The following MED13 variants were observed in gnomAD, a reference collection of about 807,000 sequenced individuals.
The protein encoded by MED13 is mediator complex subunit 13.
MED13 carries 23 observed loss-of-function variants against 225.2 expected under a neutral mutation model. That is an observed-to-expected ratio of 0.10 (90% CI 0.07 to 0.14). The LOEUF is 0.14. Ranked by LOEUF, MED13 falls within the 10% of genes least tolerant of loss-of-function variation. The probability of loss-of-function intolerance (pLI) is 1.00; values close to 1 mark genes in which losing one functional copy is unlikely to be tolerated. For synonymous variants in MED13, 942 were observed against 889.2 expected (o/e 1.06, Z -1.06); for missense variants, 2,197 against 2,594.5 (o/e 0.85, Z 3.33).
intron 23 of MED13, among the ~76,000 whole-genome samples, chr17:61,959,694 A>G (rs1014787655): frequency 2.0e-5 from 3 of 151,838 alleles, no homozygotes; most frequent in Non-Finnish European, 2.9e-5. Context: ...CTTTTATATA[A>G]TAAGGAAGAA....
intron 9 of MED13, chr17:62,003,623 C>CAAAAAAAAAAAAAAAAAAAAAAAA (rs1335956503): frequency 3.5e-5 from 3 of 86,072 alleles, no homozygotes; most frequent in African/African-American, 1.1e-4. Flanking sequence ...AAAAAAAAAG[C>CAAAAAAAAAAAAAAAAAAAAAAAA]AAAAAGTGAA....
In MED13 at chr17:62,035,711, G is replaced by A. The variant is rs1036814141; in HGVS notation, c.471-103C>T. The stretch of plus-strand genomic sequence containing the variant: ...TATGCAAAAATGCATACCCTATTTT[G>A]CCCAAAAATTCTACTTCATCAGAAG... On this transcript the variant is annotated intron_variant, in intron 3 of 29. Coordinates refer to ENST00000397786, the MANE Select transcript of MED13 (RefSeq NM_005121.3). 1.0e-5 allele frequency: 12 copies of A among 1,172,706 alleles called. No individual in the cohort carries two copies. The African/African-American group carries it at 1.9e-4, about 18-fold the overall frequency. 72.6% of individuals were successfully genotyped at this position (1,172,706 alleles called of 1,614,324 possible).
At chr17:61,998,614 T>G (rs1416373540) in intron 9 of MED13, among the ~76,000 whole-genome samples, 1 of 149,858 alleles carries the variant, frequency 6.7e-6, no homozygotes, top group Non-Finnish European at 1.5e-5. Context: ...TTTTTTTTTT[T>G]TTTTTGAGAC....
At position 61,968,123 on chromosome 17, in the gene MED13, T is replaced by C; in HGVS notation, c.4103A>G (p.Asp1368Gly). Residue 1368 changes from aspartate (D) to glycine (G), a missense_variant, in exon 18 of 30, where the codon GAT (aspartate) becomes GGT (glycine). Coordinates refer to ENST00000397786, the MANE Select transcript of MED13 (RefSeq NM_005121.3). ...LMLEPYGSQRDIAYVVLCPEN... is the reference protein window; with the variant it reads ...LMLEPYGSQRGIAYVVLCPEN... ...TGGACACAGTACAACATAGGCTATA[T>C]CTCTTTGAGATCCATAGGGTTCCAG... The C allele has an allele frequency of 1.2e-6, 2 of 1,614,034 alleles. No homozygotes were observed. Among genetic ancestry groups the C allele is most frequent in the Non-Finnish European group, 1.7e-6 (2 of 1,179,958 alleles).
Position 61,982,968 on chromosome 17 carries a change from G to T in MED13, c.3035C>A (p.Pro1012Gln). The T allele has an allele frequency of 6.2e-7, 1 of 1,613,892 alleles. No homozygotes were observed. The highest frequency in any genetic ancestry group is 8.5e-7 in the Non-Finnish European group (1 of 1,179,864). ...PSPSTPRFPTPRTPRTPRTPR... is the reference protein window; with the variant it reads ...PSPSTPRFPTQRTPRTPRTPR... Reference sequence around the variant, plus strand: ...AGTCCGAGGAGTCCTTGGAGTCCTTGGAGTTGGAAACCGAGGGGTGGATGG... The same window carrying T: ...AGTCCGAGGAGTCCTTGGAGTCCTTTGAGTTGGAAACCGAGGGGTGGATGG... The change falls in exon 16 of 30, where the codon CCA becomes CAA. Residue 1012 changes from proline (P) to glutamine (Q), a missense_variant. Physicochemically the swap from Pro to Gln is moderately conservative, Grantham distance 76 (BLOSUM62 -1). Coordinates refer to ENST00000397786, the MANE Select transcript of MED13 (RefSeq NM_005121.3).
chr17:61,990,579 T>C (rs928647465), intron 11 of MED13, among the ~76,000 whole-genome samples: 13 of 149,772 alleles, frequency 8.7e-5, no homozygotes, highest in Non-Finnish European at 1.8e-4. Flanking sequence ...TATATATGTA[T>C]AGGGTCTCAC....
intron 11 of MED13, among the ~76,000 whole-genome samples, chr17:61,990,259 C>T (rs2080284134): frequency 6.6e-6 from 1 of 152,100 alleles, no homozygotes; most frequent in Non-Finnish European, 1.5e-5. Context: ...ATATGTTAAA[C>T]AGCTTGATCT....
chr17:62,016,300 G>C (rs2080580691), intron 8 of MED13, among the ~76,000 whole-genome samples: 1 of 151,662 alleles, frequency 6.6e-6, no homozygotes, highest in Non-Finnish European at 1.5e-5. Context: ...AGCCTCCCAG[G>C]TAGCTGGGAT....
chr17:62,048,043 C>CATACATATATATAT, intron 3 of MED13, among the ~76,000 whole-genome samples: 1 of 131,144 alleles, frequency 7.6e-6, no homozygotes, highest in African/African-American at 2.8e-5. Context: ...TATACATATA[C>CATACATATATATAT]ATATATATAT....
At chr17:62,055,045 A>T (rs191821750) in intron 2 of MED13, among the ~76,000 whole-genome samples, 10 of 152,314 alleles carry the variant, frequency 6.6e-5, no homozygotes, top group Admixed American at 2.0e-4. Context: ...AATAGTAAAT[A>T]AAAAAATCTG....
At chr17:61,979,347 T>A (rs1237603932) in intron 16 of MED13, among the ~76,000 whole-genome samples, 2 of 152,172 alleles carry the variant, frequency 1.3e-5, no homozygotes, top group Admixed American at 6.5e-5. Flanking sequence ...TCTCACTCTG[T>A]CAAATAGGCT....
chr17:61,982,985 G>A lies in MED13; in HGVS notation c.3018C>T (p.Thr1006=). 4 of 1,614,078 alleles carry A rather than the reference G, an allele frequency of 2.5e-6. No homozygotes were observed. Among genetic ancestry groups the A allele is most frequent in the Non-Finnish European group, 3.4e-6 (4 of 1,179,998 alleles). ...SGAGILPSPS[T]PRFPTPRTPR... is the part of the protein sequence containing the mutation. ...GAGTCCTTGGAGTTGGAAACCGAGG[G>A]GTGGATGGAGAAGGAAGAATTCCTG... Residue 1006 remains threonine (T), a synonymous_variant, in exon 16 of 30, where the codon ACC becomes ACT. Coordinates refer to ENST00000397786, the MANE Select transcript of MED13 (RefSeq NM_005121.3).
At chr17:62,037,986 GAC>G (rs1236394480) in intron 3 of MED13, among the ~76,000 whole-genome samples, 1 of 73,580 alleles carries the variant, frequency 1.4e-5, no homozygotes, top group Non-Finnish European at 3.2e-5. Context: ...AAAAAAAAAA[GAC>G]ACAGCGGCTA....
At chr17:61,962,193 G>A (rs2143349297) in intron 21 of MED13, among the ~76,000 whole-genome samples, 1 of 152,296 alleles carries the variant, frequency 6.6e-6, no homozygotes, top group East Asian at 1.9e-4. Flanking sequence ...GGCTGAGGCA[G>A]GAGAATCTCT....
chr17:61,950,965 G>A lies in MED13; in HGVS notation c.6151C>T (p.Pro2051Ser), dbSNP rs778744964. 6.2e-7 allele frequency: 1 copy of A among 1,613,672 alleles called. No individual in the cohort carries two copies. The highest frequency in any genetic ancestry group is 1.7e-5 in the Admixed American group (1 of 60,000). Residue 2051 changes from proline to serine, a missense_variant, in exon 28 of 30, where the codon CCT (proline) becomes TCT (serine). By Grantham distance (74) the Pro-to-Ser change is moderately conservative. Coordinates refer to ENST00000397786, the MANE Select transcript of MED13 (RefSeq NM_005121.3). ...AGAATATTAGGTACTTCCTCATGAGGTTCTGTTGATAGTAGCCGATCAGTA... is the reference window on the plus strand; with the variant it reads ...AGAATATTAGGTACTTCCTCATGAGATTCTGTTGATAGTAGCCGATCAGTA... Reference protein sequence around the residue: ...QSTDRLLSTEPHEEVPNILQQ... With the variant: ...QSTDRLLSTESHEEVPNILQQ...
In MED13 at chr17:62,010,889, A is replaced by G; in HGVS notation, c.1628T>C (p.Val543Ala). 1 of 1,614,190 alleles carries G rather than the reference A, an allele frequency of 6.2e-7. No individual in the cohort carries two copies. Among genetic ancestry groups the G allele is most frequent in the Non-Finnish European group, 8.5e-7 (1 of 1,180,000 alleles). ...TGTTTTAGTCACTCCTTCATCAACC[A>G]CATCACAAGGGTGAGGACTAAGTGG... The part of the protein sequence containing the change: ...PPPLSPHPCD[V>A]VDEGVTKTPS... Residue 543 changes from valine to alanine, a missense_variant, in exon 9 of 30, where the codon GTG (valine) becomes GCG (alanine). Physicochemically the swap from Val to Ala is moderately conservative, Grantham distance 64. Around this residue, in one of 12 missense-constraint regions of MED13, gnomAD observed 884 missense variants for 918.5 expected, o/e 0.96. Transcript: ENST00000397786.
chr17:62,038,220 C>T (rs895449153), intron 3 of MED13, among the ~76,000 whole-genome samples: 4 of 151,844 alleles, frequency 2.6e-5, no homozygotes, highest in African/African-American at 7.3e-5. Context: ...AGCATAAGAC[C>T]CCATCTCCAC....
At chr17:62,002,813 A>G (rs1468785956) in intron 9 of MED13, among the ~76,000 whole-genome samples, 2 of 152,276 alleles carry the variant, frequency 1.3e-5, no homozygotes, top group Non-Finnish European at 2.9e-5. Flanking sequence ...GAAGTCAATC[A>G]GTAAACACGC....
At chr17:61,971,593 G>A (rs528127301) in intron 17 of MED13, among the ~76,000 whole-genome samples, 2 of 152,232 alleles carry the variant, frequency 1.3e-5, no homozygotes, top group African/African-American at 2.4e-5. Context: ...GAGCCACCAC[G>A]CCGGCTACCA....
Sources: allele counts gnomAD v4.1 joint callset (sites outside exome capture counted in the v4.1 genomes callset), GRCh38; gene constraint gnomAD v4.1.1; regional missense constraint gnomAD v4.1.1; transcripts MANE v1.5; gene names NCBI Gene and HGNC (gene_info 2026-07-23, HGNC 2026-07-21).